Variants in TANC2 observed in about 807,000 individuals in gnomAD.
TANC2 encodes the protein tetratricopeptide repeat, ankyrin repeat and coiled-coil containing 2.
Under a neutral mutation model 210.5 loss-of-function variants are expected in TANC2, and 26 were observed. The ratio of observed to expected loss-of-function variants is 0.12; its 90% CI spans 0.09 to 0.17. The LOEUF (loss-of-function observed/expected upper bound fraction) is 0.17, where lower values mean the gene tolerates loss of function less well. TANC2 is among the 10% of genes least tolerant of loss of function. The probability of loss-of-function intolerance (pLI) is 1.00; values close to 1 mark genes in which losing one functional copy is unlikely to be tolerated. For missense variants in TANC2, 2,129 were observed against 2,608.9 expected, an observed-to-expected ratio of 0.82 and a Z score of 4.01; for synonymous variants, 931 against 967.1, an observed-to-expected ratio of 0.96 and a Z score of 0.69.
chr17:63,245,792 G>T (rs960869293), intron 8 of TANC2, among the ~76,000 whole-genome samples: 1 of 149,604 alleles, frequency 6.7e-6, no homozygotes, highest in Non-Finnish European at 1.5e-5. Context: ...GCAGTGAGCT[G>T]AGATCGTGCC....
At chr17:63,092,626 C>T (rs1311275583) in intron 3 of TANC2, among the ~76,000 whole-genome samples, 3 of 152,016 alleles carry the variant, frequency 2.0e-5, no homozygotes, top group Non-Finnish European at 4.4e-5. Context: ...AACTTTCAAT[C>T]ATAGTGGAAG....
intron 9 of TANC2, among the ~76,000 whole-genome samples, chr17:63,278,044 G>A (rs569756403): frequency 3.3e-5 from 5 of 152,120 alleles, no homozygotes; most frequent in Middle Eastern, 3.4e-3. Flanking sequence ...GGTGGTACAC[G>A]CCTGTAGTCC....
At chr17:63,149,454 A>G (rs2039573510) in intron 4 of TANC2, 1 of 152,038 alleles carries the variant, frequency 6.6e-6, no homozygotes, top group Admixed American at 6.6e-5. Context: ...TCATTATTTA[A>G]AAAATGTTTT....
exon 6 of TANC2, chr17:63,194,029 G>A: frequency 1.2e-6 from 2 of 1,613,276 alleles, no homozygotes; most frequent in South Asian, 1.1e-5. Flanking sequence ...TCCATCTGTA[G>A]ATGAGGCAGC....
rs563493965 is a variant in TANC2, at chr17:63,188,371, A to T, written c.434-5620A>T. ...CACTTTGAGAGGCCTAGGTGGGCAG[A>T]TCATGAGGTCAAGAGATCAAGACCA... On this transcript the variant is annotated intron_variant, in intron 5 of 27. Coordinates refer to ENST00000689528, the Ensembl canonical transcript of TANC2. Among the ~76,000 whole-genome samples, 7 of 152,028 alleles carry T rather than the reference A, an allele frequency of 4.6e-5. No individual in the cohort carries two copies. In the East Asian group the frequency reaches 1.4e-3, roughly 29 times the overall value.
At chr17:63,085,927 G>A (rs1478882074) in intron 3 of TANC2, among the ~76,000 whole-genome samples, 1 of 151,980 alleles carries the variant, frequency 6.6e-6, no homozygotes, top group Admixed American at 6.6e-5. Context: ...TTTCTTGCAA[G>A]GCAGGTCTTC....
chr17:63,013,583 G>A (rs1204794030), intron 2 of TANC2, among the ~76,000 whole-genome samples: 4 of 151,954 alleles, frequency 2.6e-5, no homozygotes, highest in South Asian at 2.1e-4. Flanking sequence ...CCAACATGGC[G>A]AAATCCAGTC....
intron 19 of TANC2, among the ~76,000 whole-genome samples, chr17:63,401,642 C>T (rs1363676815): frequency 1.3e-5 from 2 of 152,142 alleles, no homozygotes; most frequent in East Asian, 1.9e-4. Context: ...ATCTTACATC[C>T]AGCTTTCACT....
chr17:63,040,864 A>G (rs2035159883), intron 2 of TANC2, among the ~76,000 whole-genome samples: 1 of 152,200 alleles, frequency 6.6e-6, no homozygotes, highest in South Asian at 2.1e-4. Flanking sequence ...TTCAGAGTTC[A>G]GATTTTCTTA....
At chr17:63,031,921 C>G (rs2034786525) in intron 2 of TANC2, among the ~76,000 whole-genome samples, 1 of 152,052 alleles carries the variant, frequency 6.6e-6, no homozygotes, top group African/African-American at 2.4e-5. Context: ...TGACTATCAC[C>G]AAGCCTACAT....
rs141442816 is a variant in TANC2 at position 62,981,985 on chromosome 17, G to A, written c.-24+15236G>A. ...CACAAAGACATGTAGCAAATCATAC[G>A]TTGTTTACACAGTGTCCACAATCTT... On this transcript the variant is annotated intron_variant, in intron 1 of 27. Coordinates refer to ENST00000689528, the Ensembl canonical transcript of TANC2. Among the ~76,000 whole-genome samples, 448 of 152,276 alleles carry A rather than the reference G, an allele frequency of 2.9e-3. 3 individuals are homozygous for A. The highest frequency in any genetic ancestry group is 9.6e-3 in the African/African-American group (401 of 41,556).
chr17:63,063,563 T>TA (rs1179940041), intron 2 of TANC2, among the ~76,000 whole-genome samples: 23 of 113,130 alleles, frequency 2.0e-4, no homozygotes, highest in African/African-American at 7.5e-4. Flanking sequence ...TGTGTGTGTG[T>TA]GTGTGTGTGT....
intron 14 of TANC2, among the ~76,000 whole-genome samples, chr17:63,373,227 A>G (rs1350464727): frequency 6.6e-6 from 1 of 152,118 alleles, no homozygotes; most frequent in Admixed American, 6.5e-5. Context: ...GGGAAAGCAT[A>G]GTTGTGCTCT....
intron 2 of TANC2, among the ~76,000 whole-genome samples, chr17:63,037,605 G>A (rs1374447317): frequency 6.6e-6 from 1 of 152,056 alleles, no homozygotes; most frequent in Non-Finnish European, 1.5e-5. Context: ...CCTGAGGTCA[G>A]GAGTTCAAGA....
At chr17:63,170,734 A>G (rs1406482501) in intron 5 of TANC2, among the ~76,000 whole-genome samples, 1 of 152,210 alleles carries the variant, frequency 6.6e-6, no homozygotes, top group Non-Finnish European at 1.5e-5. Context: ...TGAAATCGAA[A>G]TGGTATTATT....
At chr17:63,375,536 T>G (rs2047397707) in intron 14 of TANC2, among the ~76,000 whole-genome samples, 1 of 152,218 alleles carries the variant, frequency 6.6e-6, no homozygotes, top group Non-Finnish European at 1.5e-5. Flanking sequence ...ATTAACAGCC[T>G]AAAGCATAGA....
chr17:63,405,238 C>T (rs368122235), exon 20 of TANC2: 94 of 1,587,484 alleles, frequency 5.9e-5, no homozygotes, highest in Non-Finnish European at 7.0e-5. Context: ...CAGCACAGTG[C>T]GCCAGGGCCA....
At chr17:63,305,210 C>T (rs2044860770) in intron 9 of TANC2, 1 of 152,252 alleles carries the variant, frequency 6.6e-6, no homozygotes, top group South Asian at 2.1e-4. Flanking sequence ...TTGGTGTGGG[C>T]TCACGAGTAG....
intron 9 of TANC2, among the ~76,000 whole-genome samples, chr17:63,278,654 G>A (rs950273811): frequency 1.4e-4 from 21 of 152,050 alleles, no homozygotes; most frequent in African/African-American, 5.1e-4. Flanking sequence ...TGAAATCAGG[G>A]TCTCAGAGAT....
Sources: gnomAD v4.1 joint callset for allele counts (sites outside exome capture counted in the v4.1 genomes callset) on GRCh38, gnomAD v4.1.1 for gene constraint, MANE v1.5 for transcripts, NCBI Gene and HGNC (gene_info 2026-07-23, HGNC 2026-07-21) for gene names.